SLC6A15: variants seen among roughly 807,000 people sequenced by gnomAD.
SLC6A15 encodes sodium-dependent neutral amino acid transporter B(0)AT2.
In SLC6A15, 33 loss-of-function variants were observed where a neutral mutation model predicts 68.5. The observed-to-expected ratio is 0.48, with a 90% CI of 0.37 to 0.64. The LOEUF (loss-of-function observed/expected upper bound fraction) is 0.64. Among genes scored for constraint, SLC6A15 ranks in the 30% least tolerant of loss-of-function variants. SLC6A15 has a pLI of 0.00. For synonymous variants in SLC6A15, 347 were observed against 301.0 expected, an observed-to-expected ratio of 1.15 and a Z score of -1.58; for missense variants, 747 against 874.3, an observed-to-expected ratio of 0.85 and a Z score of 1.84.
chr12:84,875,473 C>G (rs59543252), intron 6 of SLC6A15, among the ~76,000 whole-genome samples: 4,021 of 151,676 alleles, frequency 0.027, 205 homozygotes, highest in African/African-American at 0.093. Flanking sequence ...CCAGGAGTGA[C>G]AAAGAATTCC....
chr12:84,893,944 G>C (rs1157845717), intron 1 of SLC6A15, among the ~76,000 whole-genome samples: 1 of 152,014 alleles, frequency 6.6e-6, no homozygotes, highest in Non-Finnish European at 1.5e-5. Context: ...TCCAGAATAG[G>C]TGTAAAACTT....
At chr12:84,890,281 C>T (rs1192885283) in intron 2 of SLC6A15, among the ~76,000 whole-genome samples, 4 of 152,176 alleles carry the variant, frequency 2.6e-5, no homozygotes, top group Non-Finnish European at 4.4e-5. Context: ...CCAATTACTA[C>T]ATATAAAATC....
rs551976974 is a variant in SLC6A15, at chr12:84,872,621, A to G, written c.1283T>C (p.Ile428Thr). The G allele has an allele frequency of 2.1e-5, 33 of 1,607,744 alleles. No individual in the cohort carries two copies. The highest frequency in any genetic ancestry group is 9.4e-5 in the African/African-American group (7 of 74,676). ...ACTAACTTTATTTAGCTCTTCTTCA[A>G]TTTTACAGGAATTGAGATGAAGAGC... Reference protein sequence around the residue: ...FPALHLNSCKIEEELNKAVQG... With the variant: ...FPALHLNSCKTEEELNKAVQG... The change falls in exon 8 of 12, where the codon ATT becomes ACT. Residue 428 changes from isoleucine (I) to threonine (T), a missense_variant. Transcript: ENST00000266682.
At position 84,885,934 on chromosome 12, in the gene SLC6A15, C is replaced by T. The variant is rs759281023; in HGVS notation, c.424G>A (p.Gly142Arg). 1 of 1,609,208 alleles carries T rather than the reference C, an allele frequency of 6.2e-7. No homozygotes were observed. The highest frequency in any genetic ancestry group is 8.5e-7 in the Non-Finnish European group (1 of 1,177,644). The change falls in exon 3 of 12, where the codon GGG (glycine) becomes AGG (arginine). Residue 142 changes from glycine to arginine, a missense_variant. Coordinates refer to ENST00000266682, the MANE Select transcript of SLC6A15 (RefSeq NM_182767.6). The part of the protein sequence containing the change: ...VWNYISPKLG[G>R]IGFASCVVCY... ...ACTACACAACTTGCAAATCCAATCC[C>T]GCCCAGTTTAGGGCTTATGTAATTC...
chr12:84,905,894 A>G (rs1046859237), intron 1 of SLC6A15, among the ~76,000 whole-genome samples: 1 of 152,218 alleles, frequency 6.6e-6, no homozygotes, highest in Non-Finnish European at 1.5e-5. Context: ...TTTTTTAACT[A>G]CAACCACTGT....
In SLC6A15 at chr12:84,861,903, C is replaced by T. The variant is rs778180371; in HGVS notation, c.1922G>A (p.Arg641His). 4 of 1,613,842 alleles carry T rather than the reference C, an allele frequency of 2.5e-6. No homozygotes were observed. The highest frequency in any genetic ancestry group is 1.3e-5 in the African/African-American group (1 of 74,960). ...AGAACTATCATCTATAAGGTTGAAG[C>T]GACGAACAATGAAAACTACAGGGAC... is the stretch of plus-strand genomic sequence containing the variant. ...LPVPVVFIVR[R>H]FNLIDDSSGN... Residue 641 changes from arginine to histidine, a missense_variant, in exon 12 of 12, where the codon CGC becomes CAC. Arg to His is a conservative substitution (Grantham distance 29, BLOSUM62 0). Coordinates refer to ENST00000266682, the MANE Select transcript of SLC6A15 (RefSeq NM_182767.6).
rs1176790353 is a variant in SLC6A15 at position 84,890,089 on chromosome 12, G to A, written c.289+1743C>T. On this transcript the variant is annotated intron_variant, in intron 2 of 11. Transcript: ENST00000266682. ...TAGAAGACTCAATGCCATACTGAAT[G>A]GTGAGTACAATCTTTGGTACTGTAA... Among the ~76,000 whole-genome samples, 20 of 152,052 alleles carry A rather than the reference G, an allele frequency of 1.3e-4. 1 individual carries two copies. Among genetic ancestry groups the A allele is most frequent in the Admixed American group, 1.2e-3 (19 of 15,264 alleles).
At chr12:84,880,787 G>A (rs965585637) in intron 5 of SLC6A15, 3 of 522,988 alleles carry the variant, frequency 5.7e-6, no homozygotes, top group Non-Finnish European at 7.4e-6. Context: ...TCTTTCAAAA[G>A]ATTGTATAAA....
intron 1 of SLC6A15, among the ~76,000 whole-genome samples, chr12:84,911,418 C>CT (rs1366938042): frequency 6.6e-6 from 1 of 152,176 alleles, no homozygotes; most frequent in African/African-American, 2.4e-5. Flanking sequence ...CCAAACACTG[C>CT]TTACGTCACT....
At chr12:84,891,739 TC>T in intron 2 of SLC6A15, 92 bp downstream of exon 2, 2 of 1,296,172 alleles carry the variant, frequency 1.5e-6, no homozygotes, top group Non-Finnish European at 2.1e-6. Flanking sequence ...ATTGAAAGTT[TC>T]AAAAATAATG....
At chr12:84,890,476 G>T (rs1872335098) in intron 2 of SLC6A15, among the ~76,000 whole-genome samples, 1 of 152,196 alleles carries the variant, frequency 6.6e-6, no homozygotes, top group South Asian at 2.1e-4. Flanking sequence ...CAAAAAGCAG[G>T]ATAGTACATA....
chr12:84,861,501 TA>T lies in SLC6A15; in HGVS notation c.*130del. The T allele has an allele frequency of 9.8e-7, 1 of 1,015,902 alleles. No individual in the cohort carries two copies. Among genetic ancestry groups the T allele is most frequent in the South Asian group, 1.7e-5 (1 of 60,478 alleles). 62.9% of individuals were successfully genotyped at this position (1,015,902 alleles called of 1,614,324 possible). ...CTCAAGTTGAACTGACATATACTGT[TA>T]GGATTAAAGATCACAGCCACGGAAC... On this transcript the variant is annotated 3_prime_UTR_variant, in exon 12 of 12. Transcript: ENST00000266682.
chr12:84,878,820 A>G (rs1395560608), intron 5 of SLC6A15, among the ~76,000 whole-genome samples: 5 of 147,292 alleles, frequency 3.4e-5, no homozygotes, highest in Admixed American at 6.7e-5. Context: ...TAATTCTACC[A>G]CAGAAATCTC....
chr12:84,873,098 T>C lies in SLC6A15; in HGVS notation c.1098A>G (p.Lys366=), dbSNP rs151127609. 6.2e-7 allele frequency: 1 copy of C among 1,614,054 alleles called. No homozygotes were observed. The highest frequency in any genetic ancestry group is 1.3e-5 in the African/African-American group (1 of 75,050). The change falls in exon 7 of 12, where the codon AAA becomes AAG. Residue 366 remains lysine (K), a synonymous_variant. Transcript: ENST00000266682. Reference sequence around the variant, plus strand: ...ATTAATATTCATACTGTGTAATGCATTTCTCATTTATGACATTTGCTTTGA... The same window carrying C: ...ATTAATATTCATACTGTGTAATGCACTTCTCATTTATGACATTTGCTTTGA... ...LGFKANVINE[K]CITQNSETIM...
At chr12:84,898,655 T>A (rs1872729438) in intron 1 of SLC6A15, among the ~76,000 whole-genome samples, 1 of 152,200 alleles carries the variant, frequency 6.6e-6, no homozygotes, top group Non-Finnish European at 1.5e-5. Context: ...AGTACATAAG[T>A]CAATGTCAGC....
chr12:84,866,534 G>C (rs529758573), intron 10 of SLC6A15, among the ~76,000 whole-genome samples: 25 of 152,106 alleles, frequency 1.6e-4, no homozygotes, highest in African/African-American at 5.3e-4. Context: ...GCTATATAAG[G>C]CATTATGACA....
chr12:84,907,162 A>C (rs1222570940), intron 1 of SLC6A15, among the ~76,000 whole-genome samples: 4 of 152,262 alleles, frequency 2.6e-5, no homozygotes, highest in African/African-American at 7.2e-5. Flanking sequence ...ATCCTGGCTA[A>C]CACGGTGAAA....
chr12:84,871,462 G>A (rs1871280644), intron 8 of SLC6A15, among the ~76,000 whole-genome samples: 1 of 151,712 alleles, frequency 6.6e-6, no homozygotes, highest in African/African-American at 2.4e-5. Flanking sequence ...ATTAATGTGA[G>A]TTTATTTTAT....
intron 9 of SLC6A15, among the ~76,000 whole-genome samples, chr12:84,869,746 G>T (rs1871210311): frequency 6.6e-6 from 1 of 151,908 alleles, no homozygotes; most frequent in Non-Finnish European, 1.5e-5. Flanking sequence ...AGACTCTTTT[G>T]AATTCTTATA....
Sources: gnomAD v4.1 joint callset for allele counts (sites outside exome capture counted in the v4.1 genomes callset) on GRCh38, gnomAD v4.1.1 for gene constraint, MANE v1.5 for transcripts, NCBI Gene and HGNC (gene_info 2026-07-23, HGNC 2026-07-21) for gene names.